MTHFD1L: variants seen among roughly 807,000 people sequenced by gnomAD.
MTHFD1L encodes the protein monofunctional C1-tetrahydrofolate synthase, mitochondrial.
A neutral mutation model predicts 119.5 loss-of-function variants in MTHFD1L; 81 were observed. The observed-to-expected ratio is 0.68, with a 90% CI of 0.57 to 0.82. The LOEUF (loss-of-function observed/expected upper bound fraction) is 0.82. MTHFD1L is among the 40% of genes least tolerant of loss of function. The probability of loss-of-function intolerance (pLI) is 0.00; values close to 1 mark genes in which losing one functional copy is unlikely to be tolerated. For missense variants in MTHFD1L, 1,125 were observed against 1,253.4 expected, an observed-to-expected ratio of 0.90 and a Z score of 1.55; for synonymous variants, 430 against 475.2, an observed-to-expected ratio of 0.90 and a Z score of 1.24.
rs769049465 is a variant in MTHFD1L at position 151,027,630 on chromosome 6, CT to C, written c.2587-6848del. On this transcript the variant is annotated intron_variant, in intron 24 of 27. Transcript: ENST00000367321. ...ATCAAGACCTTTGGACTGAGCTTGG[CT>C]TTTTTTTTTTTTTTCTTTAAAGATT... Among the ~76,000 whole-genome samples, 1,043 of 138,208 alleles carry C rather than the reference CT, an allele frequency of 7.5e-3. 7 individuals carry two copies. Among genetic ancestry groups the C allele is most frequent in the African/African-American group, 0.014 (528 of 37,898 alleles). 90.7% of individuals were successfully genotyped at this position (138,208 alleles called of 152,430 possible). A position where few individuals can be genotyped will look rare whatever the true frequency, so the allele number is the denominator to read the frequency against.
At chr6:150,939,548 C>A (rs1487568858) in intron 13 of MTHFD1L, among the ~76,000 whole-genome samples, 3 of 152,122 alleles carry the variant, frequency 2.0e-5, no homozygotes, top group Non-Finnish European at 1.5e-5. Flanking sequence ...AGGTCACTTT[C>A]CTGTTCTGTC....
At chr6:150,983,882 C>T (rs542945905) in intron 20 of MTHFD1L, among the ~76,000 whole-genome samples, 1 of 152,236 alleles carries the variant, frequency 6.6e-6, no homozygotes, top group South Asian at 2.1e-4. Flanking sequence ...GCGATCCTCC[C>T]ACCTCTGCCT....
chr6:151,039,891 G>A lies in MTHFD1L; in HGVS notation c.2847+2774G>A, dbSNP rs796634248. ...GATTGCGCCATTGCACTTCAGCCTGGGTGACAGAGCAAGACTTCATCTCTA... is the reference window on the plus strand; with the variant it reads ...GATTGCGCCATTGCACTTCAGCCTGAGTGACAGAGCAAGACTTCATCTCTA... On this transcript the variant is annotated intron_variant, in intron 26 of 27. Transcript: ENST00000367321. This position sits in a 1 kb window ranked among gnomAD's most constrained non-coding sequence, Gnocchi z 4.4. Among the ~76,000 whole-genome samples, 3 of 151,936 alleles carry A rather than the reference G, an allele frequency of 2.0e-5. No homozygotes were observed. Among genetic ancestry groups the A allele is most frequent in the African/African-American group, 7.2e-5 (3 of 41,388 alleles).
At chr6:151,088,176 C>G (rs1794010263) in intron 26 of MTHFD1L, 1 of 152,124 alleles carries the variant, frequency 6.6e-6, no homozygotes, top group African/African-American at 2.4e-5. Context: ...TATGCTTGCT[C>G]AACAGGAGAA....
intron 7 of MTHFD1L, among the ~76,000 whole-genome samples, chr6:150,895,047 T>C (rs1783990099): frequency 6.6e-6 from 1 of 152,150 alleles, no homozygotes; most frequent in Non-Finnish European, 1.5e-5. Flanking sequence ...GAGTGTCACA[T>C]GTCAGGAAGC....
chr6:151,064,128 A>G (rs942890802), intron 26 of MTHFD1L, among the ~76,000 whole-genome samples: 1 of 152,350 alleles, frequency 6.6e-6, no homozygotes, highest in Middle Eastern at 3.4e-3. Context: ...TGGAGAATCA[A>G]TGAACTTTAA....
rs928857788 is a variant in MTHFD1L at position 150,869,737 on chromosome 6, A to C, written c.227+3688A>C. 9.9e-5 allele frequency among the ~76,000 whole-genome samples: 15 copies of C among 152,114 alleles called. 1 individual carries two copies. Among genetic ancestry groups the C allele is most frequent in the Admixed American group, 9.2e-4 (14 of 15,268 alleles). On this transcript the variant is annotated intron_variant, in intron 1 of 27. Coordinates refer to ENST00000367321, the MANE Select transcript of MTHFD1L (RefSeq NM_015440.5). ...ATTGATTCTCCGAGGATTGGAGCAAAGTGGGTGGGGGTGTGTGTCAGCTAG... is the reference window on the plus strand; with the variant it reads ...ATTGATTCTCCGAGGATTGGAGCAACGTGGGTGGGGGTGTGTGTCAGCTAG...
At chr6:150,968,852 T>TA (rs1332978328) in intron 19 of MTHFD1L, among the ~76,000 whole-genome samples, 2 of 148,320 alleles carry the variant, frequency 1.3e-5, no homozygotes, top group African/African-American at 5.0e-5. Flanking sequence ...AATTCTTTTT[T>TA]TTTTTTTTTT....
intron 26 of MTHFD1L, among the ~76,000 whole-genome samples, chr6:151,038,417 G>T (rs1041292497): frequency 1.3e-5 from 2 of 152,066 alleles, no homozygotes; most frequent in East Asian, 1.9e-4. Flanking sequence ...GATGAGGGGG[G>T]GTGGCTGGGG....
chr6:150,935,338 T>C lies in MTHFD1L; in HGVS notation c.1257-1466T>C, dbSNP rs1174657640. 5.0e-6 allele frequency: 8 copies of C among 1,613,040 alleles called. No homozygotes were observed. The East Asian group carries it at 1.8e-4, about 36-fold the overall frequency. ...ACAAAATAACTAGGATATCAGAAAA[T>C]CAAGGAGTCCCTGTACTTATAGTTG... On this transcript the variant is annotated intron_variant, in intron 11 of 27. Coordinates refer to ENST00000367321, the MANE Select transcript of MTHFD1L (RefSeq NM_015440.5).
chr6:150,978,052 C>T (rs188374399), intron 20 of MTHFD1L, among the ~76,000 whole-genome samples: 23 of 152,148 alleles, frequency 1.5e-4, no homozygotes, highest in Non-Finnish European at 2.5e-4. Context: ...AGGCGCATGC[C>T]ACCACACTCG....
rs911473398 is a variant in MTHFD1L at position 150,877,939 on chromosome 6, A to G, written c.417+113A>G. 5.0e-6 allele frequency: 6 copies of G among 1,211,800 alleles called. No individual in the cohort carries two copies. In the Admixed American group the frequency reaches 1.1e-4, roughly 23 times the overall value. The allele number at this position is 1,211,800 out of a possible 1,614,324, so 75.1% of individuals were successfully genotyped here. On this transcript the variant is annotated intron_variant, in intron 4 of 27. Transcript: ENST00000367321. ...CAGATCTAAGATTTGCTTGTGACTG[A>G]ATGTTAGAGGGAAGACTTCACTTCT...
At chr6:150,962,970 C>T (rs372939835) in intron 18 of MTHFD1L, among the ~76,000 whole-genome samples, 4 of 135,886 alleles carry the variant, frequency 2.9e-5, no homozygotes, top group East Asian at 4.2e-4. Flanking sequence ...GGCTGGAATG[C>T]AATGGTGCAA....
intron 11 of MTHFD1L, among the ~76,000 whole-genome samples, chr6:150,931,620 A>G (rs1658014628): frequency 6.6e-6 from 1 of 152,174 alleles, no homozygotes; most frequent in South Asian, 2.1e-4. Flanking sequence ...TGGATGATTT[A>G]TGTTCATATG....
intron 25 of MTHFD1L, among the ~76,000 whole-genome samples, chr6:151,035,998 G>A (rs1786109025): frequency 6.6e-6 from 1 of 152,090 alleles, no homozygotes; most frequent in Admixed American, 6.5e-5. Flanking sequence ...AAAGAAAATG[G>A]CCCCAAGTCC....
chr6:150,884,441 C>T (rs906769150), intron 5 of MTHFD1L, among the ~76,000 whole-genome samples: 1 of 151,956 alleles, frequency 6.6e-6, no homozygotes, highest in Non-Finnish European at 1.5e-5. Flanking sequence ...CGCCTGGCCC[C>T]TTGTCTCTAT....
At chr6:150,913,347 A>G (rs113484404) in intron 8 of MTHFD1L, among the ~76,000 whole-genome samples, 19 of 151,178 alleles carry the variant, frequency 1.3e-4, no homozygotes, top group African/African-American at 4.6e-4. Flanking sequence ...TTGTATTTTT[A>G]GTAGAGACGG....
rs777898492 is a variant in MTHFD1L at position 151,039,645 on chromosome 6, G to A, written c.2847+2528G>A. 5.3e-5 allele frequency among the ~76,000 whole-genome samples: 8 copies of A among 152,054 alleles called. No individual in the cohort carries two copies. The South Asian group carries it at 6.2e-4, about 12-fold the overall frequency. On this transcript the variant is annotated intron_variant, in intron 26 of 27. Coordinates refer to ENST00000367321, the MANE Select transcript of MTHFD1L (RefSeq NM_015440.5). The surrounding 1 kb of genome is among the most constrained non-coding windows in gnomAD (Gnocchi z 4.4). ...AGAATGGCCTCAGTCAGCCGGGTGC[G>A]GTGGCTCACGCCTGTAATCCCAGCA...
intron 20 of MTHFD1L, among the ~76,000 whole-genome samples, chr6:150,977,085 T>C (rs908448264): frequency 4.6e-5 from 7 of 152,214 alleles, no homozygotes; most frequent in Non-Finnish European, 1.0e-4. Context: ...ACAGGTTTCT[T>C]GCCCTCCAGT....
Sources: gnomAD v4.1 joint callset for allele counts (sites outside exome capture counted in the v4.1 genomes callset) on GRCh38, gnomAD v4.1.1 for gene constraint, Gnocchi (gnomAD v3.1) non-coding constraint, MANE v1.5 for transcripts, NCBI Gene and HGNC (gene_info 2026-07-23, HGNC 2026-07-21) for gene names.